MED13L: variants seen among roughly 807,000 people sequenced by gnomAD.
MED13L encodes the protein mediator complex subunit 13L.
In MED13L, 7 loss-of-function variants were observed where a neutral mutation model predicts 220.9. The ratio of observed to expected loss-of-function variants is 0.03; its 90% confidence interval spans 0.02 to 0.06. The LOEUF is 0.06. MED13L is among the 10% of genes least tolerant of loss of function. MED13L has a pLI of 1.00. For missense variants in MED13L, 1,965 were observed against 2,760.5 expected, an observed-to-expected ratio of 0.71 and a Z score of 6.46; for synonymous variants, 1,011 against 1,015.2, an observed-to-expected ratio of 1.00 and a Z score of 0.08.
At chr12:116,195,379 A>T (rs1168150138) in intron 2 of MED13L, among the ~76,000 whole-genome samples, 1 of 152,200 alleles carries the variant, frequency 6.6e-6, no homozygotes, top group Non-Finnish European at 1.5e-5. Flanking sequence ...AAAGAAAACG[A>T]ATAAAAACAC....
intron 4 of MED13L, among the ~76,000 whole-genome samples, chr12:116,066,091 A>ACT (rs369681097): frequency 3.3e-5 from 5 of 151,754 alleles, no homozygotes; most frequent in African/African-American, 4.8e-5. Flanking sequence ...TCTGTCTTTG[A>ACT]CTCTCTCTCT....
In MED13L at chr12:116,261,327, G is replaced by A. The variant is rs1270945016; in HGVS notation, c.72+15733C>T. 2.0e-5 allele frequency among the ~76,000 whole-genome samples: 3 copies of A among 151,926 alleles called. No homozygotes were observed. In the East Asian group the frequency reaches 5.8e-4, roughly 29 times the overall value. On this transcript the variant is annotated intron_variant, in intron 1 of 30. Coordinates refer to ENST00000281928, the MANE Select transcript of MED13L (RefSeq NM_015335.5). ...CATGGGCAACACAGTGAAACCCCGT[G>A]TCTCTATAAAAATACAAAAATTAGC...
chr12:116,096,354 CAAAAAAAA>C (rs537207957), intron 4 of MED13L, among the ~76,000 whole-genome samples: 548 of 23,546 alleles, frequency 0.023, 4 homozygotes, highest in African/African-American at 0.066. Flanking sequence ...GACACAGCCT[CAAAAAAAA>C]AAAAAAAAAA....
intron 4 of MED13L, among the ~76,000 whole-genome samples, chr12:116,043,749 C>T (rs1198316444): frequency 6.6e-6 from 1 of 152,160 alleles, no homozygotes; most frequent in Non-Finnish European, 1.5e-5. Flanking sequence ...CATACCCCTA[C>T]GCACTGGCAG....
At position 115,997,094 on chromosome 12, in the gene MED13L, C is replaced by T. The variant is rs1878453691; in HGVS notation, c.2706G>A (p.Met902Ile). 4.3e-6 allele frequency: 7 copies of T among 1,614,098 alleles called. No homozygotes were observed. Among genetic ancestry groups the T allele is most frequent in the Non-Finnish European group, 5.9e-6 (7 of 1,179,976 alleles). ...VTALGMMESP[M>I]VSMVSTQLTE... The stretch of plus-strand genomic sequence containing the variant: ...TGAGTTGTGTTGAAACCATACTGAC[C>T]ATAGGGCTCTCCATCATGCCTAATG... The change falls in exon 15 of 31, where the codon ATG becomes ATA. Residue 902 changes from methionine (M) to isoleucine (I), a missense_variant. By Grantham distance (10) the Met-to-Ile change is conservative. Transcript: ENST00000281928.
chr12:116,016,934 G>T (rs1314679908), intron 7 of MED13L, among the ~76,000 whole-genome samples: 1 of 152,242 alleles, frequency 6.6e-6, no homozygotes, highest in South Asian at 2.1e-4. Context: ...CGGCAAAGTA[G>T]CCCATTCTGT....
At chr12:116,017,810 T>A (rs935696839) in intron 7 of MED13L, among the ~76,000 whole-genome samples, 1 of 152,114 alleles carries the variant, frequency 6.6e-6, no homozygotes, top group South Asian at 2.1e-4. Flanking sequence ...GAAACAGGAT[T>A]CCACCATGTT....
At chr12:116,071,151 T>G (rs1445513957) in intron 4 of MED13L, among the ~76,000 whole-genome samples, 1 of 152,282 alleles carries the variant, frequency 6.6e-6, no homozygotes, top group Non-Finnish European at 1.5e-5. Flanking sequence ...AAGTAATAAA[T>G]GTTCATTGAA....
intron 4 of MED13L, among the ~76,000 whole-genome samples, chr12:116,030,581 T>C (rs1880679657): frequency 6.6e-6 from 1 of 151,994 alleles, no homozygotes; most frequent in Non-Finnish European, 1.5e-5. Flanking sequence ...ACAGAAAGGA[T>C]TAACAAGATA....
At chr12:116,000,429 A>T (rs1463613884) in intron 14 of MED13L, among the ~76,000 whole-genome samples, 1 of 152,184 alleles carries the variant, frequency 6.6e-6, no homozygotes, top group Non-Finnish European at 1.5e-5. Flanking sequence ...GCGGGAACTC[A>T]TAAGACACCC....
At chr12:116,154,806 TTTAA>T (rs1266603006) in intron 2 of MED13L, among the ~76,000 whole-genome samples, 4 of 152,192 alleles carry the variant, frequency 2.6e-5, no homozygotes, top group Non-Finnish European at 5.9e-5. Flanking sequence ...ATTCTTTTTA[TTTAA>T]TTGTGTGTTG....
At chr12:116,198,692 A>T (rs1303426890) in intron 2 of MED13L, among the ~76,000 whole-genome samples, 5 of 152,028 alleles carry the variant, frequency 3.3e-5, no homozygotes, top group Non-Finnish European at 5.9e-5. Flanking sequence ...CCTGCCTCTA[A>T]CACCTCCCCT....
At chr12:116,147,734 C>T (rs1565900070) in intron 2 of MED13L, among the ~76,000 whole-genome samples, 1 of 152,090 alleles carries the variant, frequency 6.6e-6, no homozygotes, top group Non-Finnish European at 1.5e-5. Flanking sequence ...TGGGTATTTA[C>T]ACTTTTTACA....
At chr12:116,178,157 C>A (rs1178807677) in intron 2 of MED13L, among the ~76,000 whole-genome samples, 1 of 151,622 alleles carries the variant, frequency 6.6e-6, no homozygotes, top group African/African-American at 2.4e-5. Flanking sequence ...GATTACACCA[C>A]GCCTAGCCTC....
At chr12:116,242,783 A>G (rs1037033606) in intron 1 of MED13L, among the ~76,000 whole-genome samples, 3 of 152,238 alleles carry the variant, frequency 2.0e-5, no homozygotes, top group Admixed American at 1.3e-4. Context: ...AGAGCCACAC[A>G]GGTAGCAAAT....
rs1056983917 is a variant in MED13L at position 116,120,566 on chromosome 12, T to C, written c.311-9054A>G. 3.5e-5 allele frequency among the ~76,000 whole-genome samples: 5 copies of C among 141,214 alleles called. No homozygotes were observed. The Admixed American group carries it at 3.6e-4, about 10-fold the overall frequency. 92.6% of individuals were successfully genotyped at this position (141,214 alleles called of 152,430 possible). On this transcript the variant is annotated intron_variant, in intron 2 of 30. Transcript: ENST00000281928. ...GGAAAATACATAAAGAGGGACAGAG[T>C]AGTTAGCCTACGTTTCTACAAATGA... is the stretch of plus-strand genomic sequence containing the variant.
At chr12:116,248,405 G>A (rs1230760167) in intron 1 of MED13L, among the ~76,000 whole-genome samples, 1 of 152,050 alleles carries the variant, frequency 6.6e-6, no homozygotes, top group Non-Finnish European at 1.5e-5. Context: ...GATATGGGGG[G>A]TTAAGGAGAA....
chr12:116,019,076 C>T, intron 7 of MED13L, 148 bp downstream of exon 7: 1 of 737,400 alleles, frequency 1.4e-6, no homozygotes, highest in Non-Finnish European at 2.2e-6. Context: ...TTATAGTTTT[C>T]CTTCTCCATT....
intron 4 of MED13L, among the ~76,000 whole-genome samples, chr12:116,076,556 A>C (rs1433490091): frequency 6.6e-6 from 1 of 152,056 alleles, no homozygotes; most frequent in African/African-American, 2.4e-5. Flanking sequence ...ACAAAATAAA[A>C]ACCAAAAACT....
Sources: allele counts gnomAD v4.1 joint callset (sites outside exome capture counted in the v4.1 genomes callset), GRCh38; gene constraint gnomAD v4.1.1; transcripts MANE v1.5; gene names NCBI Gene and HGNC (gene_info 2026-07-23, HGNC 2026-07-21).